RB1: variants seen among roughly 807,000 people sequenced by gnomAD.
The protein encoded by RB1 is retinoblastoma-associated protein.
A neutral mutation model predicts 135.4 loss-of-function variants in RB1; 18 were observed. That is an observed-to-expected ratio of 0.13 (90% CI 0.09 to 0.20). The LOEUF (loss-of-function observed/expected upper bound fraction) is 0.20, where lower values mean the gene tolerates loss of function less well. Ranked by LOEUF, RB1 falls within the 10% of genes least tolerant of loss-of-function variation. The pLI is 1.00. For synonymous variants in RB1, 365 were observed against 373.2 expected, an observed-to-expected ratio of 0.98 and a Z score of 0.25; for missense variants, 868 against 1,110.0, an observed-to-expected ratio of 0.78 and a Z score of 3.10.
At chr13:48,448,187 A>G (rs903539933) in intron 17 of RB1, among the ~76,000 whole-genome samples, 1 of 152,234 alleles carries the variant, frequency 6.6e-6, no homozygotes, top group Admixed American at 6.5e-5. Flanking sequence ...ATTAGCTGGA[A>G]TGAATTTCCT....
In RB1 at chr13:48,362,891, A is replaced by C. The variant is rs1477712842; in HGVS notation, c.795A>C (p.Lys265Asn). 1 of 1,613,784 alleles carries C rather than the reference A, an allele frequency of 6.2e-7. No homozygotes were observed. Among genetic ancestry groups the C allele is most frequent in the African/African-American group, 1.3e-5 (1 of 74,944 alleles). The change falls in exon 8 of 27, where the codon AAA becomes AAC. Residue 265 changes from lysine (K) to asparagine (N), a missense_variant. This residue lies in a region of RB1 where 641 missense variants were observed against 791.3 expected (regional missense o/e 0.81). Transcript: ENST00000267163. ...RGQNRSARIA[K>N]QLENDTRIIE... The stretch of plus-strand genomic sequence containing the variant: ...AGAACAGGAGTGCACGGATAGCAAA[A>C]CAACTAGAAAATGATACAAGAATTA...
chr13:48,419,671 T>A (rs1192824645), intron 17 of RB1, among the ~76,000 whole-genome samples: 1 of 150,376 alleles, frequency 6.6e-6, no homozygotes, highest in Non-Finnish European at 1.5e-5. Flanking sequence ...GAGAGAAGAA[T>A]CAAATAGACA....
At chr13:48,379,088 A>G (rs773085551) in intron 13 of RB1, among the ~76,000 whole-genome samples, 2 of 152,194 alleles carry the variant, frequency 1.3e-5, no homozygotes, top group Non-Finnish European at 2.9e-5. Context: ...TGTCCTCTTA[A>G]TCCTGGACAG....
chr13:48,394,078 A>T (rs1009722918), intron 17 of RB1, among the ~76,000 whole-genome samples: 1 of 152,160 alleles, frequency 6.6e-6, no homozygotes, highest in African/African-American at 2.4e-5. Flanking sequence ...GACTGGTTAG[A>T]CAGTGGATGC....
At chr13:48,465,698 T>C (rs998878394) in intron 23 of RB1, among the ~76,000 whole-genome samples, 8 of 150,884 alleles carry the variant, frequency 5.3e-5, no homozygotes, top group Non-Finnish European at 1.2e-4. Context: ...CCAGTGTGTG[T>C]GCGCACCGTG....
At chr13:48,479,033 C>T (rs1021494445) in intron 26 of RB1, among the ~76,000 whole-genome samples, 1 of 151,986 alleles carries the variant, frequency 6.6e-6, no homozygotes, top group Non-Finnish European at 1.5e-5. Flanking sequence ...TCAAGACCAG[C>T]CTGGGCAACA....
At chr13:48,365,039 C>G in intron 9 of RB1, 68 bp downstream of exon 9, 1 of 1,488,996 alleles carries the variant, frequency 6.7e-7, no homozygotes, top group Non-Finnish European at 9.0e-7. Context: ...AATTGTCTAA[C>G]TTTCTTAGAT....
At chr13:48,380,023 C>CTTTT in intron 14 of RB1, 30 bp from the exon 15 acceptor site, 2 of 770,636 alleles carry the variant, frequency 2.6e-6, no homozygotes, top group Non-Finnish European at 3.7e-6. Context: ...TAAACAACTT[C>CTTTT]TTTTTTTTTT....
intron 17 of RB1, among the ~76,000 whole-genome samples, chr13:48,397,002 C>T (rs1948654038): frequency 6.6e-6 from 1 of 152,168 alleles, no homozygotes; most frequent in Non-Finnish European, 1.5e-5. Flanking sequence ...ACAACAGATG[C>T]TGGAGAGGCT....
chr13:48,304,159 C>A, intron 1 of RB1, 110 bp downstream of exon 1: 1 of 1,208,798 alleles, frequency 8.3e-7, no homozygotes, highest in Non-Finnish European at 1.1e-6. Context: ...GGGCCGGGTC[C>A]CGGCGGGAGG....
In RB1 at chr13:48,476,836, G is replaced by A. The variant is rs1460190600; in HGVS notation, c.2656G>A (p.Asp886Asn). The A allele has an allele frequency of 1.9e-6, 3 of 1,613,444 alleles. No individual in the cohort carries two copies. The highest frequency in any genetic ancestry group is 1.3e-5 in the African/African-American group (1 of 74,896). Residue 886 changes from aspartate (D) to asparagine (N), a missense_variant, in exon 25 of 27, where the codon GAT becomes AAT. Asp to Asn is a conservative substitution (Grantham distance 23). This residue lies in a region of RB1 where 196 missense variants were observed against 239.8 expected (regional missense o/e 0.82). Coordinates refer to ENST00000267163, the MANE Select transcript of RB1 (RefSeq NM_000321.3). ...TGATATTGAAGGATCAGATGAAGCA[G>A]ATGGAAGGTAGGAACCAGTTTTGAA... is the stretch of plus-strand genomic sequence containing the variant. ...RFDIEGSDEA[D>N]GSKHLPGESK...
intron 17 of RB1, among the ~76,000 whole-genome samples, chr13:48,425,404 A>G (rs1287338970): frequency 1.3e-5 from 2 of 152,228 alleles, no homozygotes; most frequent in African/African-American, 4.8e-5. Flanking sequence ...CTTCACATAC[A>G]ATATATGCCT....
intron 11 of RB1, among the ~76,000 whole-genome samples, chr13:48,371,048 A>G (rs1394460138): frequency 6.6e-6 from 1 of 152,212 alleles, no homozygotes; most frequent in Non-Finnish European, 1.5e-5. Flanking sequence ...TGTCTGGGGA[A>G]CTATTAGCAG....
chr13:48,333,247 CA>C (rs1952352293), intron 2 of RB1: 1 of 391,022 alleles, frequency 2.6e-6, no homozygotes, highest in Non-Finnish European at 4.5e-6. Flanking sequence ...TTTTTTGAAA[CA>C]GCACATGTCA....
chr13:48,318,860 G>A, intron 2 of RB1: 1 of 1,091,884 alleles, frequency 9.2e-7, no homozygotes, highest in Non-Finnish European at 1.4e-6. Context: ...ATGCCTTGAG[G>A]GTCAAAACGT....
intron 17 of RB1, among the ~76,000 whole-genome samples, chr13:48,446,157 C>T (rs1008085701): frequency 6.6e-6 from 1 of 151,992 alleles, no homozygotes; most frequent in East Asian, 1.9e-4. Flanking sequence ...GGGGTTTCAC[C>T]ATGTTGGCCA....
At chr13:48,311,558 A>G (rs1459086971) in intron 2 of RB1, among the ~76,000 whole-genome samples, 1 of 151,696 alleles carries the variant, frequency 6.6e-6, no homozygotes, top group Non-Finnish European at 1.5e-5. Context: ...AAGTATTTGT[A>G]TATCTATACA....
At chr13:48,357,729 T>C (rs1308896466) in intron 6 of RB1, among the ~76,000 whole-genome samples, 1 of 152,074 alleles carries the variant, frequency 6.6e-6, no homozygotes, top group Non-Finnish European at 1.5e-5. Flanking sequence ...ACATTTCATA[T>C]AGTACATTAC....
chr13:48,342,677 T>G lies in RB1; in HGVS notation c.343T>G (p.Phe115Val). 6.2e-7 allele frequency: 1 copy of G among 1,611,794 alleles called. No individual in the cohort carries two copies. Among genetic ancestry groups the G allele is most frequent in the Non-Finnish European group, 8.5e-7 (1 of 1,178,094 alleles). Residue 115 changes from phenylalanine to valine, a missense_variant, in exon 3 of 27, where the codon TTC (phenylalanine) becomes GTC (valine). Physicochemically the swap from Phe to Val is conservative, Grantham distance 50. Transcript: ENST00000267163. ...IAAVDLDEMSFTFTELQKNIE... is the reference protein window; with the variant it reads ...IAAVDLDEMSVTFTELQKNIE... ...AGCAGTTGACCTAGATGAGATGTCGTTCACTTTTACTGAGCTACAGAAAAA... is the reference window on the plus strand; with the variant it reads ...AGCAGTTGACCTAGATGAGATGTCGGTCACTTTTACTGAGCTACAGAAAAA...
Sources: gnomAD v4.1 joint callset for allele counts (sites outside exome capture counted in the v4.1 genomes callset) on GRCh38, gnomAD v4.1.1 for gene constraint, gnomAD v4.1.1 regional missense constraint, MANE v1.5 for transcripts, NCBI Gene and HGNC (gene_info 2026-07-23, HGNC 2026-07-21) for gene names.